The following DAB1 variants were observed in gnomAD, a reference collection of about 807,000 sequenced individuals.
The protein encoded by DAB1 is disabled homolog 1.
In DAB1, 15 loss-of-function variants were observed where a neutral mutation model predicts 64.6. That is an observed-to-expected ratio of 0.23 (90% CI 0.16 to 0.36). DAB1 has a LOEUF of 0.36. DAB1 is among the 10% of genes least tolerant of loss of function. The pLI, the probability that DAB1 is intolerant of heterozygous loss-of-function variation, is 1.00. For synonymous variants in DAB1, 235 were observed against 251.9 expected (o/e 0.93, Z 0.64); for missense variants, 596 against 706.7 (o/e 0.84, Z 1.78).
chr1:57,398,772 G>A (rs1302476683), intron 1 of DAB1, among the ~76,000 whole-genome samples: 1 of 152,250 alleles, frequency 6.6e-6, no homozygotes, highest in Non-Finnish European at 1.5e-5. Context: ...TCTGAAGGCT[G>A]GAGATGCCGC....
At chr1:57,530,837 A>G (rs192812667) in intron 7 of DAB1, among the ~76,000 whole-genome samples, 1 of 152,306 alleles carries the variant, frequency 6.6e-6, no homozygotes. Context: ...ATTAAAAAGC[A>G]TGGAATAATA....
chr1:57,027,475 A>T (rs1646829316), intron 9 of DAB1, among the ~76,000 whole-genome samples: 2 of 152,124 alleles, frequency 1.3e-5, no homozygotes, highest in South Asian at 4.1e-4. Context: ...TTCTCTAATA[A>T]GTCTACCTTT....
intron 4 of DAB1, among the ~76,000 whole-genome samples, chr1:58,249,218 C>T (rs1441766484): frequency 6.6e-6 from 1 of 151,904 alleles, no homozygotes; most frequent in Non-Finnish European, 1.5e-5. Flanking sequence ...CTACTGCACC[C>T]CCACAACCTC....
intron 1 of DAB1, among the ~76,000 whole-genome samples, chr1:57,840,328 C>T (rs1339178952): frequency 2.0e-5 from 3 of 152,006 alleles, no homozygotes; most frequent in Non-Finnish European, 4.4e-5. Flanking sequence ...GTATAAGCAA[C>T]AAGAGCTATG....
chr1:57,188,173 C>T (rs540984030), intron 2 of DAB1, among the ~76,000 whole-genome samples: 86 of 152,210 alleles, frequency 5.7e-4, no homozygotes, highest in African/African-American at 2.0e-3. Flanking sequence ...CAGTTTCTAC[C>T]AAGGCCTTTC....
intron 7 of DAB1, among the ~76,000 whole-genome samples, chr1:57,503,663 TCTC>T (rs1644314886): frequency 6.6e-6 from 1 of 152,336 alleles, no homozygotes; most frequent in East Asian, 1.9e-4. Flanking sequence ...TGCTTACTCT[TCTC>T]CTCACCTGGT....
intron 5 of DAB1, among the ~76,000 whole-genome samples, chr1:57,959,724 C>T (rs948103179): frequency 5.3e-5 from 8 of 152,210 alleles, no homozygotes; most frequent in Non-Finnish European, 7.3e-5. Context: ...AGCATCTTTG[C>T]ACTCCTTGCT....
intron 5 of DAB1, chr1:58,047,775 T>C (rs1460282551): frequency 4.6e-6 from 1 of 218,670 alleles, no homozygotes; most frequent in Non-Finnish European, 9.1e-6. Flanking sequence ...CTGCCTGAGT[T>C]GAAAGTCCAG....
At chr1:58,239,822 C>A (rs1318561828) in intron 4 of DAB1, among the ~76,000 whole-genome samples, 1 of 152,036 alleles carries the variant, frequency 6.6e-6, no homozygotes, top group African/African-American at 2.4e-5. Flanking sequence ...CTGAGTGGAG[C>A]AATAAAGGAC....
chr1:58,172,713 G>A (rs955787555), intron 4 of DAB1, among the ~76,000 whole-genome samples: 1 of 152,212 alleles, frequency 6.6e-6, no homozygotes, highest in African/African-American at 2.4e-5. Flanking sequence ...GGGATACGAA[G>A]GGCAGGTTAT....
intron 7 of DAB1, among the ~76,000 whole-genome samples, chr1:57,603,002 C>G (rs1029597282): frequency 6.6e-6 from 1 of 152,152 alleles, no homozygotes; most frequent in African/African-American, 2.4e-5. Flanking sequence ...GGGTGAACAT[C>G]TTCTGAATAG....
chr1:57,655,990 C>T (rs929983458), intron 6 of DAB1, among the ~76,000 whole-genome samples: 1 of 152,100 alleles, frequency 6.6e-6, no homozygotes, highest in African/African-American at 2.4e-5. Context: ...ATTGGAACCC[C>T]CAATATGACG....
chr1:57,776,029 A>G (rs1480372180), intron 6 of DAB1, among the ~76,000 whole-genome samples: 1 of 151,692 alleles, frequency 6.6e-6, no homozygotes, highest in African/African-American at 2.4e-5. Flanking sequence ...GTTTCTCTAG[A>G]TTTTTTATGA....
chr1:57,473,583 A>G (rs1198007302), intron 7 of DAB1, among the ~76,000 whole-genome samples: 1 of 152,216 alleles, frequency 6.6e-6, no homozygotes, highest in African/African-American at 2.4e-5. Context: ...ACTAAATGAT[A>G]AATCAATTTC....
intron 5 of DAB1, among the ~76,000 whole-genome samples, chr1:58,107,160 A>C (rs1651694701): frequency 1.3e-5 from 2 of 151,900 alleles, no homozygotes; most frequent in Non-Finnish European, 2.9e-5. Flanking sequence ...TATGGGATGC[A>C]GTAAAAGTCT....
chr1:57,572,356 C>T (rs1645202805), intron 7 of DAB1, among the ~76,000 whole-genome samples: 1 of 152,180 alleles, frequency 6.6e-6, no homozygotes, highest in South Asian at 2.1e-4. Flanking sequence ...ACACCTTCTT[C>T]CTAGGGTGGA....
intron 7 of DAB1, among the ~76,000 whole-genome samples, chr1:57,593,092 T>A (rs1645464717): frequency 6.6e-6 from 1 of 152,206 alleles, no homozygotes; most frequent in African/African-American, 2.4e-5. Context: ...CTACTCTCCA[T>A]CCACAGCACT....
At chr1:57,850,402 G>A (rs1417360706) in intron 1 of DAB1, among the ~76,000 whole-genome samples, 2 of 151,738 alleles carry the variant, frequency 1.3e-5, no homozygotes, top group Non-Finnish European at 2.9e-5. Context: ...GCTGTAAAAA[G>A]GCGCAGAGGT....
chr1:57,563,563 C>T (rs1235473123), intron 7 of DAB1, among the ~76,000 whole-genome samples: 1 of 152,126 alleles, frequency 6.6e-6, no homozygotes. Flanking sequence ...TGACAGATGG[C>T]ACCTGGAAAA....
Sources: gnomAD v4.1 joint callset for allele counts (sites outside exome capture counted in the v4.1 genomes callset) on GRCh38, gnomAD v4.1.1 for gene constraint, MANE v1.5 for transcripts, NCBI Gene and HGNC (gene_info 2026-07-23, HGNC 2026-07-21) for gene names.